The following MTX2 variants were observed in gnomAD, a reference collection of about 807,000 sequenced individuals.
MTX2 encodes the protein metaxin 2.
Under a neutral mutation model 42.3 loss-of-function variants are expected in MTX2, and 35 were observed. The ratio of observed to expected loss-of-function variants is 0.83; its 90% CI spans 0.63 to 1.10. MTX2 has a LOEUF of 1.10. Ranked by LOEUF, MTX2 falls within the 50% of genes least tolerant of loss-of-function variation. The probability of loss-of-function intolerance (pLI) is 0.00; values close to 1 mark genes in which losing one functional copy is unlikely to be tolerated. For synonymous variants in MTX2, 119 were observed against 100.9 expected, an observed-to-expected ratio of 1.18 and a Z score of -1.08; for missense variants, 307 against 304.1, an observed-to-expected ratio of 1.01 and a Z score of -0.07.
intron 1 of MTX2, 34 bp downstream of exon 1, chr2:176,269,703 G>C (rs760533667): frequency 1.3e-6 from 2 of 1,580,864 alleles, no homozygotes; most frequent in Middle Eastern, 2.0e-4. Context: ...AGAAGGTGGC[G>C]GCGCGGTCTC....
At chr2:176,328,268 T>C in intron 5 of MTX2, 25 bp from the exon 6 acceptor site, 1 of 1,456,460 alleles carries the variant, frequency 6.9e-7, no homozygotes, top group South Asian at 1.4e-5. Flanking sequence ...TGATGTTCTT[T>C]TAAATTTTTT....
chr2:176,306,784 T>G (rs1194627315), intron 3 of MTX2, among the ~76,000 whole-genome samples: 1 of 152,188 alleles, frequency 6.6e-6, no homozygotes, highest in Non-Finnish European at 1.5e-5. Context: ...TTTTTTTGAG[T>G]TCTTTGTAGA....
At chr2:176,273,718 G>C (rs556765630) in intron 1 of MTX2, among the ~76,000 whole-genome samples, 3 of 151,818 alleles carry the variant, frequency 2.0e-5, no homozygotes, top group East Asian at 3.9e-4. Context: ...CTCAGTTATC[G>C]TTCCTAAATA....
intron 1 of MTX2, chr2:176,270,128 C>G: frequency 3.5e-6 from 1 of 288,236 alleles, no homozygotes; most frequent in Non-Finnish European, 6.8e-6. Flanking sequence ...GCTTCGTCTC[C>G]CAGCGACACA....
intron 3 of MTX2, among the ~76,000 whole-genome samples, chr2:176,302,374 A>G (rs183924760): frequency 7.2e-5 from 11 of 152,148 alleles, no homozygotes; most frequent in African/African-American, 2.7e-4. Flanking sequence ...GAAAGGGAAG[A>G]CAACAGAAAA....
chr2:176,273,340 T>C (rs555672883), intron 1 of MTX2, among the ~76,000 whole-genome samples: 2 of 152,232 alleles, frequency 1.3e-5, no homozygotes, highest in Non-Finnish European at 2.9e-5. Flanking sequence ...AAATGACTTA[T>C]AAATGTGACT....
intron 1 of MTX2, among the ~76,000 whole-genome samples, chr2:176,290,652 T>C (rs1035620887): frequency 6.6e-6 from 1 of 152,110 alleles, no homozygotes; most frequent in African/African-American, 2.4e-5. Flanking sequence ...AAGACAGTTA[T>C]AGAGCTCATT....
At position 176,327,640 on chromosome 2, in the gene MTX2, T is replaced by C. The variant is rs138037034; in HGVS notation, c.286-653T>C. Among the ~76,000 whole-genome samples the C allele has an allele frequency of 3.2e-3, 483 of 150,272 alleles. 6 individuals are homozygous for C. In the East Asian group the frequency reaches 0.036, roughly 11 times the overall value. On this transcript the variant is annotated intron_variant, in intron 5 of 9. Coordinates refer to ENST00000249442, the MANE Select transcript of MTX2 (RefSeq NM_006554.5). ...AATTAGAATTTTATTTACTCAAGTTTATTGTTGGGCTTTTAGGTCATGGCC... is the reference window on the plus strand; with the variant it reads ...AATTAGAATTTTATTTACTCAAGTTCATTGTTGGGCTTTTAGGTCATGGCC...
intron 9 of MTX2, 80 bp from the exon 10 acceptor site, chr2:176,337,413 T>C: frequency 8.1e-7 from 1 of 1,240,922 alleles, no homozygotes; most frequent in Admixed American, 2.4e-5. Context: ...ATGGGACCTG[T>C]GGGTGAAGAG....
intron 3 of MTX2, among the ~76,000 whole-genome samples, chr2:176,317,184 G>A (rs1044262991): frequency 1.3e-5 from 2 of 151,604 alleles, no homozygotes; most frequent in African/African-American, 4.9e-5. Context: ...TGCCTGTTAT[G>A]TACCAGGCGC....
At position 176,337,790 on chromosome 2, in the gene MTX2, ATCT is replaced by A; in HGVS notation, c.*128_*130del. 1 of 777,472 alleles carries A rather than the reference ATCT, an allele frequency of 1.3e-6. No homozygotes were observed. The allele number at this position is 777,472 out of a possible 1,614,324, so 48.2% of individuals were successfully genotyped here. A position where few individuals can be genotyped will look rare whatever the true frequency, so the allele number is the denominator to read the frequency against. ...TTTGAAACCTCAAATTATATAATGT[ATCT>A]TATGTATGTGCTTTATATTGTTATT... is the stretch of plus-strand genomic sequence containing the variant. On this transcript the variant is annotated 3_prime_UTR_variant, in exon 10 of 10. Transcript: ENST00000249442.
chr2:176,297,870 A>T lies in MTX2; in HGVS notation c.110A>T (p.Asp37Val), dbSNP rs778313002. ...QLKGEQILLS[D>V]NAASLAVQAF... is the part of the protein sequence containing the mutation. ...ACAGGGGAGCAAATTTTACTTTCTG[A>T]CAATGCAGCTTCTCTTGCAGTGCAG... is the stretch of plus-strand genomic sequence containing the variant. The change falls in exon 3 of 10, where the codon GAC becomes GTC. Residue 37 changes from aspartate to valine, a missense_variant. Asp to Val is a radical substitution (Grantham distance 152, BLOSUM62 -3). Coordinates refer to ENST00000249442, the MANE Select transcript of MTX2 (RefSeq NM_006554.5). 1 of 1,561,796 alleles carries T rather than the reference A, an allele frequency of 6.4e-7. No homozygotes were observed. Among genetic ancestry groups the T allele is most frequent in the South Asian group, 1.2e-5 (1 of 81,694 alleles).
intron 3 of MTX2, among the ~76,000 whole-genome samples, chr2:176,315,850 T>C (rs185935486): frequency 8.5e-5 from 13 of 152,306 alleles, no homozygotes; most frequent in African/African-American, 2.6e-4. Flanking sequence ...GCTCCCTAAC[T>C]TTCTAAGGTT....
chr2:176,270,433 C>T (rs768875987), intron 1 of MTX2: 2 of 1,345,564 alleles, frequency 1.5e-6, no homozygotes, highest in Middle Eastern at 3.2e-4. Flanking sequence ...TGTAATTTCT[C>T]TTATTGAGGT....
intron 9 of MTX2, 67 bp downstream of exon 9, chr2:176,330,727 A>G: frequency 1.9e-6 from 2 of 1,059,254 alleles, no homozygotes; most frequent in Non-Finnish European, 2.8e-6. Context: ...TTTTTTTCAT[A>G]AAAGAATTGC....
intron 3 of MTX2, among the ~76,000 whole-genome samples, chr2:176,307,017 C>T (rs1343952913): frequency 6.6e-6 from 1 of 152,118 alleles, no homozygotes; most frequent in Non-Finnish European, 1.5e-5. Flanking sequence ...CCTAGGTTTT[C>T]TTCTAGATTT....
At chr2:176,327,400 T>C (rs1368241084) in intron 5 of MTX2, among the ~76,000 whole-genome samples, 1 of 151,054 alleles carries the variant, frequency 6.6e-6, no homozygotes, top group Non-Finnish European at 1.5e-5. Flanking sequence ...TTTTTGAATA[T>C]ATAGAAAAAC....
At chr2:176,323,259 A>T in intron 3 of MTX2, 133 bp from the exon 4 acceptor site, 1 of 703,462 alleles carries the variant, frequency 1.4e-6, no homozygotes, top group Non-Finnish European at 2.4e-6. Flanking sequence ...CCTTCACTTT[A>T]AATTGGTTCA....
chr2:176,316,541 A>G (rs773426537), intron 3 of MTX2, among the ~76,000 whole-genome samples: 4 of 152,154 alleles, frequency 2.6e-5, no homozygotes, highest in African/African-American at 7.2e-5. Context: ...AGCTGGGACT[A>G]CAGGCACACA....
Sources: allele counts gnomAD v4.1 joint callset (sites outside exome capture counted in the v4.1 genomes callset), GRCh38; gene constraint gnomAD v4.1.1; transcripts MANE v1.5; gene names NCBI Gene and HGNC (gene_info 2026-07-23, HGNC 2026-07-21).